TRPV4: variants seen among roughly 807,000 people sequenced by gnomAD.
The protein encoded by TRPV4 is transient receptor potential cation channel subfamily V member 4, also known as OSM9-like transient receptor potential channel 4.
TRPV4 carries 58 observed loss-of-function variants against 84.1 expected under a neutral mutation model. The ratio of observed to expected loss-of-function variants is 0.69; its 90% confidence interval spans 0.56 to 0.86. TRPV4 has a LOEUF of 0.86. Among genes scored for constraint, TRPV4 ranks in the 40% least tolerant of loss-of-function variants. The pLI, the probability that TRPV4 is intolerant of heterozygous loss-of-function variation, is 0.00. For missense variants in TRPV4, 879 were observed against 1,181.1 expected (o/e 0.74, Z 3.75); for synonymous variants, 489 against 500.9 (o/e 0.98, Z 0.32).
chr12:109,803,079 G>A lies in TRPV4; in HGVS notation c.624C>T (p.Asp208=), dbSNP rs372000524. The A allele has an allele frequency of 4.7e-5, 76 of 1,614,096 alleles. No homozygotes were observed. Among genetic ancestry groups the A allele is most frequent in the Non-Finnish European group, 6.3e-5 (74 of 1,180,052 alleles). The part of the protein sequence containing the change: ...ALLNLSNGRN[D]TIPVLLDIAE... ...CGATGTCCAGCAGCACAGGGATGGT[G>A]TCGTTGCGGCCATTGCTCAGGTTCA... Residue 208 remains aspartate, a synonymous_variant, in exon 4 of 16, where the codon GAC becomes GAT. Transcript: ENST00000261740.
At chr12:109,819,354 G>A (rs1247950449) in intron 1 of TRPV4, among the ~76,000 whole-genome samples, 3 of 152,284 alleles carry the variant, frequency 2.0e-5, no homozygotes, top group South Asian at 2.1e-4. Context: ...CTCCATGGGC[G>A]TGTGCATGTG....
chr12:109,784,409 T>C lies in TRPV4; in HGVS notation c.2365A>G (p.Asn789Asp). 6.2e-7 allele frequency: 1 copy of C among 1,614,090 alleles called. No homozygotes were observed. Among genetic ancestry groups the C allele is most frequent in the Non-Finnish European group, 8.5e-7 (1 of 1,180,006 alleles). Residue 789 changes from asparagine (N) to aspartate (D), a missense_variant, in exon 15 of 16, where the codon AAC becomes GAC. By Grantham distance (23) the Asn-to-Asp change is conservative. This residue lies in a region of TRPV4 where 242 missense variants were observed against 355.3 expected (regional missense o/e 0.68). Coordinates refer to ENST00000261740, the MANE Select transcript of TRPV4 (RefSeq NM_021625.5). ...TCGTTGATGATGCCCAAGTTCTGGT[T>C]CCAGTGAGACCAGTTCACCTCATCC... ...RVDEVNWSHWNQNLGIINEDP... is the reference protein window; with the variant it reads ...RVDEVNWSHWDQNLGIINEDP...
rs1254530770 is a variant in TRPV4 at position 109,786,680 on chromosome 12, G to C, written c.2336+30C>G. ...GAGCCAGTGGGGACAGTTCCGCCCT[G>C]CCATCCTGGCCCCACTGCCCCAGCC... On this transcript the variant is annotated intron_variant, in intron 14 of 15. Coordinates refer to ENST00000261740, the MANE Select transcript of TRPV4 (RefSeq NM_021625.5). The surrounding 1 kb of genome is among the most constrained non-coding windows in gnomAD (Gnocchi z 4.5). The C allele has an allele frequency of 1.9e-6, 3 of 1,612,790 alleles. No homozygotes were observed. The African/African-American group carries it at 4.0e-5, about 22-fold the overall frequency.
chr12:109,804,012 G>C (rs1890971135), intron 3 of TRPV4, among the ~76,000 whole-genome samples: 1 of 152,140 alleles, frequency 6.6e-6, no homozygotes, highest in Non-Finnish European at 1.5e-5. Context: ...TCCCCAAAGT[G>C]TGGGACTGTG....
chr12:109,795,376 G>A (rs1189497524), intron 7 of TRPV4, among the ~76,000 whole-genome samples: 1 of 152,202 alleles, frequency 6.6e-6, no homozygotes, highest in Non-Finnish European at 1.5e-5. Flanking sequence ...TTCAAAAAAT[G>A]AGGGAAATGA....
intron 5 of TRPV4, among the ~76,000 whole-genome samples, chr12:109,799,356 C>T (rs1026095789): frequency 6.6e-6 from 1 of 152,278 alleles, no homozygotes; most frequent in South Asian, 2.1e-4. Flanking sequence ...GCCATGTTGG[C>T]CAGGCTGGTC....
chr12:109,812,461 G>A (rs546631826), intron 2 of TRPV4, among the ~76,000 whole-genome samples: 3 of 152,388 alleles, frequency 2.0e-5, no homozygotes, highest in African/African-American at 7.2e-5. Flanking sequence ...AGAAGACCCA[G>A]GAGGGGCAGC....
At position 109,783,683 on chromosome 12, in the gene TRPV4, G is replaced by A. The variant is rs372583866; in HGVS notation, c.2554C>T (p.Arg852Cys). ...TAACCCTGCTGGTGGCCATCGCAGC[G>A]GGGGTTCCCCATGCTGTCCAGAGGC... is the stretch of plus-strand genomic sequence containing the variant. ...VVPLDSMGNP[R>C]CDGHQQGYPR... The change falls in exon 16 of 16, where the codon CGC (arginine) becomes TGC (cysteine). Residue 852 changes from arginine (R) to cysteine (C), a missense_variant. This residue lies in a region of TRPV4 where 242 missense variants were observed against 355.3 expected (regional missense o/e 0.68). Coordinates refer to ENST00000261740, the MANE Select transcript of TRPV4 (RefSeq NM_021625.5). This position sits in a 1 kb window ranked among gnomAD's most constrained non-coding sequence, Gnocchi z 4.6. 40 of 1,613,684 alleles carry A rather than the reference G, an allele frequency of 2.5e-5. 1 individual carries two copies. The highest frequency in any genetic ancestry group is 1.1e-4 in the South Asian group (10 of 91,084).
intron 1 of TRPV4, among the ~76,000 whole-genome samples, chr12:109,817,190 G>A (rs1358818684): frequency 6.6e-6 from 1 of 152,162 alleles, no homozygotes; most frequent in African/African-American, 2.4e-5. Flanking sequence ...GGGGCCAGGG[G>A]GTTGCTGAGG....
rs34227547 is a variant in TRPV4 at position 109,794,442 on chromosome 12, G to A, written c.1378C>T (p.Arg460Trp). Reference sequence around the variant, plus strand: ...GCCCCGAACTTGCGCCACTTGTCCCGCAGCAGTTCATTGATGGGCTCCACA... The same window carrying A: ...GCCCCGAACTTGCGCCACTTGTCCCACAGCAGTTCATTGATGGGCTCCACA... ...LAVEPINELLRDKWRKFGAVS... is the reference protein window; with the variant it reads ...LAVEPINELLWDKWRKFGAVS... Residue 460 changes from arginine (R) to tryptophan (W), a missense_variant, in exon 8 of 16, where the codon CGG becomes TGG. Coordinates refer to ENST00000261740, the MANE Select transcript of TRPV4 (RefSeq NM_021625.5). 3.1e-4 allele frequency: 497 copies of A among 1,614,064 alleles called. No individual in the cohort carries two copies. The highest frequency in any genetic ancestry group is 3.9e-4 in the Non-Finnish European group (455 of 1,180,036).
chr12:109,783,557 C>T lies in TRPV4; in HGVS notation c.*64G>A. ...GGGTGTGGGGGGACACCCCAGAAGG[C>T]ACTGCTGAAATGCGGCTGGACTAGA... On this transcript the variant is annotated 3_prime_UTR_variant, in exon 16 of 16. Coordinates refer to ENST00000261740, the MANE Select transcript of TRPV4 (RefSeq NM_021625.5). This position sits in a 1 kb window ranked among gnomAD's most constrained non-coding sequence, Gnocchi z 4.6. The T allele has an allele frequency of 6.3e-7, 1 of 1,576,026 alleles. No individual in the cohort carries two copies. The highest frequency in any genetic ancestry group is 2.2e-5 in the East Asian group (1 of 44,606).
intron 1 of TRPV4, among the ~76,000 whole-genome samples, chr12:109,827,098 G>A (rs4565962): frequency 0.22 from 33,999 of 152,118 alleles, 4,195 homozygotes; most frequent in South Asian, 0.45. Flanking sequence ...AGGGCAGACA[G>A]GTCTCCAAAG....
In TRPV4 at chr12:109,791,991, G is replaced by A. The variant is rs184100673; in HGVS notation, c.1891+372C>T. Among the ~76,000 whole-genome samples, 1,184 of 151,562 alleles carry A rather than the reference G, an allele frequency of 7.8e-3. 3 individuals carry two copies. The highest frequency in any genetic ancestry group is 0.011 in the Admixed American group (166 of 15,242). On this transcript the variant is annotated intron_variant, in intron 12 of 15. Coordinates refer to ENST00000261740, the MANE Select transcript of TRPV4 (RefSeq NM_021625.5). ...CACACCTGTAATCCCACCATTTTGG[G>A]AGGCCAAGGAGGGTGGATCACCTGA... is the stretch of plus-strand genomic sequence containing the variant.
chr12:109,798,503 G>A lies in TRPV4; in HGVS notation c.1152+111C>T. 7.3e-7 allele frequency: 1 copy of A among 1,370,402 alleles called. No homozygotes were observed. Among genetic ancestry groups the A allele is most frequent in the Non-Finnish European group, 1.0e-6 (1 of 994,160 alleles). The allele number at this position is 1,370,402 out of a possible 1,614,324, so 84.9% of individuals were successfully genotyped here. A position where few individuals can be genotyped will look rare whatever the true frequency, so the allele number is the denominator to read the frequency against. On this transcript the variant is annotated intron_variant, in intron 6 of 15. Coordinates refer to ENST00000261740, the MANE Select transcript of TRPV4 (RefSeq NM_021625.5). This position sits in a 1 kb window ranked among gnomAD's most constrained non-coding sequence, Gnocchi z 5.0. The stretch of plus-strand genomic sequence containing the variant: ...GACATCTGCACACTGGGGTTGGCAT[G>A]TTGGGAGGTGCATGCACGTATTAAT...
Position 109,786,771 on chromosome 12 carries a change from C to T in TRPV4, c.2275G>A (p.Gly759Arg). 6.2e-7 allele frequency: 1 copy of T among 1,614,066 alleles called. No individual in the cohort carries two copies. The highest frequency in any genetic ancestry group is 8.5e-7 in the Non-Finnish European group (1 of 1,180,034). ...PVFLRKAFRS[G>R]EMVTVGKSSD... is the part of the protein sequence containing the mutation. ...CTCTTGCCCACGGTGACCATCTCCC[C>T]AGAGCGGAAGGCCTTCCTCAGGAAT... is the stretch of plus-strand genomic sequence containing the variant. The change falls in exon 14 of 16, where the codon GGG becomes AGG. Residue 759 changes from glycine to arginine, a missense_variant. By Grantham distance (125) the Gly-to-Arg change is moderately radical (BLOSUM62 -2). This residue lies in a region of TRPV4 where 242 missense variants were observed against 355.3 expected (regional missense o/e 0.68). Coordinates refer to ENST00000261740, the MANE Select transcript of TRPV4 (RefSeq NM_021625.5). The surrounding 1 kb of genome is among the most constrained non-coding windows in gnomAD (Gnocchi z 4.5).
intron 8 of TRPV4, 83 bp downstream of exon 8, chr12:109,794,246 C>A: frequency 6.4e-7 from 1 of 1,564,270 alleles, no homozygotes; most frequent in Non-Finnish European, 8.7e-7. Context: ...TACAGGGGAC[C>A]CAGAAGGATG....
Position 109,783,672 on chromosome 12 carries a change from G to A in TRPV4, c.2565C>T (p.Gly855=). Residue 855 remains glycine, a synonymous_variant, in exon 16 of 16, where the codon GGC becomes GGT. Coordinates refer to ENST00000261740, the MANE Select transcript of TRPV4 (RefSeq NM_021625.5). This position sits in a 1 kb window ranked among gnomAD's most constrained non-coding sequence, Gnocchi z 4.6. The stretch of plus-strand genomic sequence containing the variant: ...ACTTGCGGGGGTAACCCTGCTGGTG[G>A]CCATCGCAGCGGGGGTTCCCCATGC... ...LDSMGNPRCD[G]HQQGYPRKWR... 4 of 1,613,854 alleles carry A rather than the reference G, an allele frequency of 2.5e-6. No individual in the cohort carries two copies. The highest frequency in any genetic ancestry group is 1.7e-6 in the Non-Finnish European group (2 of 1,179,992).
At chr12:109,785,332 A>G (rs1889620173) in intron 14 of TRPV4, among the ~76,000 whole-genome samples, 1 of 152,102 alleles carries the variant, frequency 6.6e-6, no homozygotes, top group Non-Finnish European at 1.5e-5. Context: ...CTGTACACAT[A>G]GCCCACATTT....
intron 11 of TRPV4, 42 bp from the exon 12 acceptor site, chr12:109,792,471 A>T (rs1162447712): frequency 6.3e-7 from 1 of 1,599,434 alleles, no homozygotes; most frequent in African/African-American, 1.3e-5. Context: ...GAGGAGACAC[A>T]TGGTTTCTCA....
Sources: allele counts gnomAD v4.1 joint callset (sites outside exome capture counted in the v4.1 genomes callset), GRCh38; gene constraint gnomAD v4.1.1; regional missense constraint gnomAD v4.1.1; non-coding constraint Gnocchi (gnomAD v3.1); transcripts MANE v1.5; gene names NCBI Gene and HGNC (gene_info 2026-07-23, HGNC 2026-07-21).